Variants in WDFY4 observed in about 807,000 individuals in gnomAD.
WDFY4 encodes the protein WD repeat- and FYVE domain-containing protein 4.
In WDFY4, 169 loss-of-function variants were observed where a neutral mutation model predicts 351.9. The ratio of observed to expected loss-of-function variants is 0.48; its 90% CI spans 0.42 to 0.55. The LOEUF (loss-of-function observed/expected upper bound fraction) is 0.55, where lower values mean the gene tolerates loss of function less well. Ranked by LOEUF, WDFY4 falls within the 20% of genes least tolerant of loss-of-function variation. WDFY4 has a pLI of 0.00. For synonymous variants in WDFY4, 1,622 were observed against 1,574.6 expected, an observed-to-expected ratio of 1.03 and a Z score of -0.71; for missense variants, 3,803 against 3,935.6, an observed-to-expected ratio of 0.97 and a Z score of 0.90.
chr10:48,687,862 A>G (rs1048635743), intron 1 of WDFY4, among the ~76,000 whole-genome samples: 1 of 150,882 alleles, frequency 6.6e-6, no homozygotes, highest in African/African-American at 2.4e-5. Context: ...GCTCACTGCA[A>G]CCTCCACCTC....
At chr10:48,696,227 C>T (rs1465584602) in intron 1 of WDFY4, among the ~76,000 whole-genome samples, 3 of 152,204 alleles carry the variant, frequency 2.0e-5, no homozygotes, top group Non-Finnish European at 4.4e-5. Context: ...AGGGCCGCAC[C>T]GAGGTGATTG....
chr10:48,820,563 T>C (rs1458414791), intron 33 of WDFY4, 126 bp downstream of exon 33: 2 of 1,058,890 alleles, frequency 1.9e-6, no homozygotes, highest in Non-Finnish European at 2.7e-6. Context: ...GGGGAATCTG[T>C]GAACCATGGG....
chr10:48,777,170 G>A (rs2066060448), intron 16 of WDFY4, among the ~76,000 whole-genome samples, 186 bp downstream of exon 16: 1 of 152,164 alleles, frequency 6.6e-6, no homozygotes, highest in Non-Finnish European at 1.5e-5. Flanking sequence ...AGCTATGGAG[G>A]GCCAAGACCC....
chr10:48,720,458 C>T (rs2064045170), intron 3 of WDFY4, among the ~76,000 whole-genome samples: 1 of 151,830 alleles, frequency 6.6e-6, no homozygotes, highest in African/African-American at 2.4e-5. Flanking sequence ...TACACAGATA[C>T]ACATAGACAC....
At chr10:48,829,463 C>T (rs963017513) in intron 37 of WDFY4, among the ~76,000 whole-genome samples, 3 of 152,184 alleles carry the variant, frequency 2.0e-5, no homozygotes, top group African/African-American at 4.8e-5. Flanking sequence ...AGATTATGCT[C>T]TCTCTTGGTC....
In WDFY4 at chr10:48,950,335, C is replaced by A. The variant is rs148603747; in HGVS notation, c.7977+3366C>A. On this transcript the variant is annotated intron_variant, in intron 51 of 61. Transcript: ENST00000325239. ...GACTGGCTTCTTGCACTTAGCGTAA[C>A]GTCCTCAAGGTTCATCCATTGTTGC... is the stretch of plus-strand genomic sequence containing the variant. Among the ~76,000 whole-genome samples the A allele has an allele frequency of 3.9e-5, 6 of 152,342 alleles. No homozygotes were observed. The East Asian group carries it at 9.6e-4, about 24-fold the overall frequency.
At chr10:48,810,821 A>G in intron 29 of WDFY4, 86 bp downstream of exon 29, 1 of 1,323,130 alleles carries the variant, frequency 7.6e-7, no homozygotes, top group Non-Finnish European at 1.0e-6. Flanking sequence ...TTCTTATTTG[A>G]GACCATCACA....
intron 32 of WDFY4, among the ~76,000 whole-genome samples, chr10:48,819,105 C>G (rs2067722554): frequency 6.6e-6 from 1 of 152,254 alleles, no homozygotes; most frequent in South Asian, 2.1e-4. Context: ...ACCCAGGGCT[C>G]CTGCTCCCCA....
Position 48,731,518 on chromosome 10 carries a change from T to TA in WDFY4, c.1539dup (p.Leu514ThrfsTer67). ...CGGGACTCAGGGCTCCTGGGCCTGCTACTGGCACAGCTTCGGAAGCAAGCC... is the reference window on the plus strand; with the variant it reads ...CGGGACTCAGGGCTCCTGGGCCTGCTAACTGGCACAGCTTCGGAAGCAAGCC... On this transcript the variant is annotated frameshift_variant, in exon 9 of 62. Coordinates refer to ENST00000325239, the MANE Select transcript of WDFY4 (RefSeq NM_001394531.1). LOFTEE classifies it high-confidence loss of function. 6.4e-7 allele frequency: 1 copy of TA among 1,551,470 alleles called. No homozygotes were observed. Among genetic ancestry groups the TA allele is most frequent in the Non-Finnish European group, 8.7e-7 (1 of 1,146,966 alleles).
chr10:48,933,180 A>G lies in WDFY4; in HGVS notation c.7587-8626A>G, dbSNP rs11101570. On this transcript the variant is annotated intron_variant, in intron 47 of 61. Coordinates refer to ENST00000325239, the MANE Select transcript of WDFY4 (RefSeq NM_001394531.1). ...CAGATGGAACATTCTTCTAGATTGTATATGTGGACCAGGCAACGAGAAAAC... is the reference window on the plus strand; with the variant it reads ...CAGATGGAACATTCTTCTAGATTGTGTATGTGGACCAGGCAACGAGAAAAC... Among the ~76,000 whole-genome samples the G allele has an allele frequency of 4.6e-5, 7 of 152,260 alleles. No homozygotes were observed. In the East Asian group the frequency reaches 1.4e-3, roughly 29 times the overall value.
At chr10:48,896,787 T>G (rs981521861) in intron 44 of WDFY4, among the ~76,000 whole-genome samples, 2 of 152,182 alleles carry the variant, frequency 1.3e-5, no homozygotes, top group African/African-American at 2.4e-5. Context: ...ATGAAGGGTC[T>G]GAGTCCTGTC....
chr10:48,741,908 A>G (rs151093724), intron 11 of WDFY4, among the ~76,000 whole-genome samples: 92 of 152,326 alleles, frequency 6.0e-4, no homozygotes, highest in African/African-American at 1.9e-3. Flanking sequence ...TGAGTTTTAG[A>G]TGGAGTCCAA....
At chr10:48,767,294 G>C (rs537981987) in intron 13 of WDFY4, among the ~76,000 whole-genome samples, 1 of 152,310 alleles carries the variant, frequency 6.6e-6, no homozygotes, top group East Asian at 1.9e-4. Context: ...TACAGTTCCT[G>C]CCCTGTGTAT....
intron 47 of WDFY4, among the ~76,000 whole-genome samples, chr10:48,912,065 C>G (rs55645343): frequency 0.05 from 7,604 of 152,268 alleles, 236 homozygotes; most frequent in Non-Finnish European, 0.065. Context: ...GGGAAAAAAG[C>G]CTCCCTCAAG....
intron 10 of WDFY4, 55 bp downstream of exon 10, chr10:48,734,090 C>T: frequency 6.8e-7 from 1 of 1,466,474 alleles, no homozygotes; most frequent in Non-Finnish European, 9.4e-7. Context: ...TGAACTCTTT[C>T]CTGGTTATTT....
chr10:48,734,595 C>T (rs1181228289), intron 10 of WDFY4, among the ~76,000 whole-genome samples: 2 of 151,526 alleles, frequency 1.3e-5, no homozygotes, highest in East Asian at 3.9e-4. Context: ...ATTTAGGCAT[C>T]TTTATCTGAG....
Position 48,967,360 on chromosome 10 carries a change from T to C in WDFY4, c.8584+687T>C, listed in dbSNP as rs945725429. On this transcript the variant is annotated intron_variant, in intron 55 of 61. Coordinates refer to ENST00000325239, the MANE Select transcript of WDFY4 (RefSeq NM_001394531.1). ...AGGAAAAGATGAAAAACATGAGAAATAGGTTGAGCCAGTGAAGGGAGCCAT... is the reference window on the plus strand; with the variant it reads ...AGGAAAAGATGAAAAACATGAGAAACAGGTTGAGCCAGTGAAGGGAGCCAT... 5.3e-5 allele frequency: 8 copies of C among 151,944 alleles called. No homozygotes were observed. In the East Asian group the frequency reaches 1.3e-3, roughly 26 times the overall value. 9.4% of individuals were successfully genotyped at this position (151,944 alleles called of 1,614,324 possible).
intron 39 of WDFY4, among the ~76,000 whole-genome samples, chr10:48,848,577 G>T (rs2940711): frequency 7.9e-5 from 12 of 152,174 alleles, no homozygotes; most frequent in Admixed American, 6.5e-4. Flanking sequence ...TGGGCAGGGG[G>T]TGACCAGCTG....
intron 12 of WDFY4, 62 bp from the exon 13 acceptor site, chr10:48,760,285 A>C: frequency 7.0e-7 from 1 of 1,427,606 alleles, no homozygotes; most frequent in Non-Finnish European, 9.6e-7. Flanking sequence ...CAGGAAGCTC[A>C]GTGAAAATAG....
Sources: gnomAD v4.1 joint callset for allele counts (sites outside exome capture counted in the v4.1 genomes callset) on GRCh38, gnomAD v4.1.1 for gene constraint, MANE v1.5 for transcripts, NCBI Gene and HGNC (gene_info 2026-07-23, HGNC 2026-07-21) for gene names.